Variants in TNN observed in about 807,000 individuals in gnomAD.
TNN encodes tenascin-N.
In TNN, 122 loss-of-function variants were observed where a neutral mutation model predicts 134.4. The ratio of observed to expected loss-of-function variants is 0.91; its 90% CI spans 0.78 to 1.06. The LOEUF is 1.06. Among genes scored for constraint, TNN ranks in the 50% least tolerant of loss-of-function variants. The pLI, the probability that TNN is intolerant of heterozygous loss-of-function variation, is 0.00. For missense variants in TNN, 1,739 were observed against 1,699.4 expected, an observed-to-expected ratio of 1.02 and a Z score of -0.41; for synonymous variants, 710 against 670.3, an observed-to-expected ratio of 1.06 and a Z score of -0.91.
chr1:175,099,027 A>T (rs1674649057), intron 9 of TNN, among the ~76,000 whole-genome samples: 1 of 152,236 alleles, frequency 6.6e-6, no homozygotes, highest in Non-Finnish European at 1.5e-5. Context: ...TGAATGTTTT[A>T]GGCAGAAATA....
At chr1:175,102,887 C>A (rs1433517266) in intron 9 of TNN, among the ~76,000 whole-genome samples, 1 of 146,112 alleles carries the variant, frequency 6.8e-6, no homozygotes, top group Non-Finnish European at 1.5e-5. Flanking sequence ...AAACAGGACA[C>A]CCCAACTGCT....
At chr1:175,105,966 T>C (rs913828789) in intron 9 of TNN, among the ~76,000 whole-genome samples, 1 of 145,560 alleles carries the variant, frequency 6.9e-6, no homozygotes, top group Non-Finnish European at 1.5e-5. Flanking sequence ...CCTGCTGACT[T>C]GAATAGTTGC....
intron 9 of TNN, among the ~76,000 whole-genome samples, chr1:175,110,136 G>T (rs1281722512): frequency 1.3e-5 from 2 of 152,270 alleles, no homozygotes; most frequent in South Asian, 2.1e-4. Flanking sequence ...GTAAATGTTT[G>T]TTGGTCATTT....
intron 12 of TNN, among the ~76,000 whole-genome samples, chr1:175,124,475 G>A (rs532842899): frequency 6.6e-6 from 1 of 152,292 alleles, no homozygotes; most frequent in East Asian, 1.9e-4. Flanking sequence ...GAGGTCAGGA[G>A]TTTGAGACCA....
rs201015182 is a variant in TNN at position 175,085,471 on chromosome 1, C to T, written c.1301C>T (p.Pro434Leu). 70 of 1,612,474 alleles carry T rather than the reference C, an allele frequency of 4.3e-5. No homozygotes were observed. Among genetic ancestry groups the T allele is most frequent in the South Asian group, 2.5e-4 (23 of 90,792 alleles). The stretch of plus-strand genomic sequence containing the variant: ...ATGAGAGGAGAGCTGGAGGGCAAGC[C>T]GATCCTCCTGAATGGCAGGACAGGT... ...VPMRGELEGK[P>L]ILLNGRTEID... The change falls in exon 6 of 19, where the codon CCG (proline) becomes CTG (leucine). Residue 434 changes from proline (P) to leucine (L), a missense_variant. By Grantham distance (98) the Pro-to-Leu change is moderately conservative. Transcript: ENST00000239462.
intron 15 of TNN, 62 bp downstream of exon 15, chr1:175,128,808 G>T: frequency 1.3e-6 from 2 of 1,521,544 alleles, no homozygotes; most frequent in Non-Finnish European, 1.8e-6. Context: ...CCAGGATGCC[G>T]GTCATGGATG....
chr1:175,083,967 G>A, intron 5 of TNN, 32 bp downstream of exon 5: 1 of 1,605,226 alleles, frequency 6.2e-7, no homozygotes, highest in Non-Finnish European at 8.5e-7. Context: ...TGAGATGTAT[G>A]CTGTGGATGC....
Position 175,126,994 on chromosome 1 carries a change from C to T in TNN, c.2954C>T (p.Thr985Met), listed in dbSNP as rs182894731. Reference sequence around the variant, plus strand: ...AGAAACCTTCGTCCATCTGCTGTAACGCAGTCTGGTGGCATATTGACCTGG... The same window carrying T: ...AGAAACCTTCGTCCATCTGCTGTAATGCAGTCTGGTGGCATATTGACCTGG... ...PPRNLRPSAV[T>M]QSGGILTWTP... Residue 985 changes from threonine to methionine, a missense_variant, in exon 13 of 19, where the codon ACG (threonine) becomes ATG (methionine). By Grantham distance (81) the Thr-to-Met change is moderately conservative (BLOSUM62 -1). Transcript: ENST00000239462. 122 of 1,614,146 alleles carry T rather than the reference C, an allele frequency of 7.6e-5. No individual in the cohort carries two copies. The East Asian group carries it at 1.4e-3, about 18-fold the overall frequency.
chr1:175,079,177 C>G lies in TNN; in HGVS notation c.410-156C>G, dbSNP rs187743455. Among the ~76,000 whole-genome samples, 168 of 152,300 alleles carry G rather than the reference C, an allele frequency of 1.1e-3. 1 individual carries two copies. The highest frequency in any genetic ancestry group is 3.9e-3 in the African/African-American group (163 of 41,588). On this transcript the variant is annotated intron_variant, in intron 2 of 18. Transcript: ENST00000239462. ...ACCTTTTCTCCCTTGTGGAGCTCCA[C>G]CATCCTCCAAAAAATAGCCGTGCAA...
intron 11 of TNN, among the ~76,000 whole-genome samples, chr1:175,120,370 G>A (rs1036240575): frequency 6.6e-6 from 1 of 152,242 alleles, no homozygotes; most frequent in Non-Finnish European, 1.5e-5. Context: ...TTGCAGATGG[G>A]AAGGGTGAGT....
chr1:175,083,923 T>C lies in TNN; in HGVS notation c.1222T>C (p.Tyr408His). 1 of 1,613,976 alleles carries C rather than the reference T, an allele frequency of 6.2e-7. No individual in the cohort carries two copies. ...VPKSSDPKSR[Y>H]DITGLHPGTE... ...CAAGAGCAGTGACCCCAAGAGCCGA[T>C]ATGACATCACTGGTAAGAGCCATCA... is the stretch of plus-strand genomic sequence containing the variant. Residue 408 changes from tyrosine (Y) to histidine (H), a missense_variant, in exon 5 of 19, where the codon TAT becomes CAT. By Grantham distance (83) the Tyr-to-His change is moderately conservative. Coordinates refer to ENST00000239462, the MANE Select transcript of TNN (RefSeq NM_022093.2).
At chr1:175,084,555 T>A (rs779678184) in intron 5 of TNN, among the ~76,000 whole-genome samples, 6 of 152,196 alleles carry the variant, frequency 3.9e-5, no homozygotes, top group Non-Finnish European at 8.8e-5. Context: ...TAATACGCAA[T>A]CATGAATACC....
chr1:175,121,573 G>A (rs139850774), intron 11 of TNN, among the ~76,000 whole-genome samples: 2 of 152,198 alleles, frequency 1.3e-5, no homozygotes, highest in Non-Finnish European at 2.9e-5. Flanking sequence ...AAATGACAAG[G>A]ATAGAAGTTG....
chr1:175,120,486 C>T (rs369306419), intron 11 of TNN, among the ~76,000 whole-genome samples: 12 of 152,194 alleles, frequency 7.9e-5, no homozygotes, highest in Admixed American at 2.0e-4. Flanking sequence ...GGTAGCTCCT[C>T]GTCCAGGAGA....
chr1:175,135,360 T>C (rs779911717), intron 15 of TNN, among the ~76,000 whole-genome samples: 4 of 152,178 alleles, frequency 2.6e-5, no homozygotes, highest in African/African-American at 7.2e-5. Context: ...TTGTGTGAAC[T>C]TTTTTCTCCA....
chr1:175,113,894 C>G (rs987153631), intron 9 of TNN, among the ~76,000 whole-genome samples: 1 of 151,898 alleles, frequency 6.6e-6, no homozygotes, highest in Admixed American at 6.6e-5. Flanking sequence ...AATTCATTAG[C>G]TGTGTTTCTT....
intron 18 of TNN, 84 bp from the exon 19 acceptor site, chr1:175,146,847 T>C: frequency 1.6e-6 from 2 of 1,242,412 alleles, no homozygotes; most frequent in Non-Finnish European, 1.1e-6. Context: ...ATTAATTAAT[T>C]AATTAATTCC....
chr1:175,073,913 A>T (rs541870523), intron 1 of TNN, among the ~76,000 whole-genome samples: 1 of 147,562 alleles, frequency 6.8e-6, no homozygotes, highest in Admixed American at 6.6e-5. Context: ...TGAACGGTGG[A>T]CCTGCACCTC....
At position 175,098,457 on chromosome 1, in the gene TNN, A is replaced by G. The variant is rs1674629408; in HGVS notation, c.1981A>G (p.Thr661Ala). ...VVRYTSAGGE[T>A]REVPVGKEQS... is the part of the protein sequence containing the mutation. Reference sequence around the variant, plus strand: ...GCGCTACACCTCTGCTGGTGGAGAGACCAGGGAGGTTCCGGTGGGGAAGGA... The same window carrying G: ...GCGCTACACCTCTGCTGGTGGAGAGGCCAGGGAGGTTCCGGTGGGGAAGGA... The change falls in exon 9 of 19, where the codon ACC becomes GCC. Residue 661 changes from threonine (T) to alanine (A), a missense_variant. By Grantham distance (58) the Thr-to-Ala change is moderately conservative. Transcript: ENST00000239462. 1 of 1,614,008 alleles carries G rather than the reference A, an allele frequency of 6.2e-7. No homozygotes were observed. Among genetic ancestry groups the G allele is most frequent in the South Asian group, 1.1e-5 (1 of 91,076 alleles).
Sources: gnomAD v4.1 joint callset for allele counts (sites outside exome capture counted in the v4.1 genomes callset) on GRCh38, gnomAD v4.1.1 for gene constraint, MANE v1.5 for transcripts, NCBI Gene and HGNC (gene_info 2026-07-23, HGNC 2026-07-21) for gene names.